OPHN1: variants seen among roughly 807,000 people sequenced by gnomAD.
OPHN1 encodes the protein oligophrenin 1.
In OPHN1, 11 loss-of-function variants were observed where a neutral mutation model predicts 60.7. The observed-to-expected ratio is 0.18, with a 90% CI of 0.11 to 0.30. The LOEUF is 0.30. OPHN1 is among the 10% of genes least tolerant of loss of function. OPHN1 has a pLI of 1.00. For synonymous variants in OPHN1, 226 were observed against 222.6 expected, an observed-to-expected ratio of 1.02 and a Z score of -0.14; for missense variants, 449 against 611.0, an observed-to-expected ratio of 0.73 and a Z score of 2.80.
chrX:68,196,334 C>T (rs1032750090), intron 12 of OPHN1, among the ~76,000 whole-genome samples: 1 of 112,067 alleles, frequency 8.9e-6, no homozygotes, highest in African/African-American at 3.2e-5. Context: ...TTGTGGTTTA[C>T]AAGATGACTT....
chrX:68,321,151 AG>A (rs1424333422), intron 2 of OPHN1, among the ~76,000 whole-genome samples: 1 of 111,473 alleles, frequency 9.0e-6, no homozygotes, highest in Non-Finnish European at 1.9e-5. Context: ...CCCTCCCTGG[AG>A]GTTGGGAGTG....
At chrX:68,334,052 C>A (rs1569283638) in intron 2 of OPHN1, among the ~76,000 whole-genome samples, 1 of 109,100 alleles carries the variant, frequency 9.2e-6, no homozygotes, top group Non-Finnish European at 1.9e-5. Context: ...CATGCGCTAC[C>A]ACACCCATTT....
At chrX:68,078,019 T>C (rs1489663038) in intron 19 of OPHN1, among the ~76,000 whole-genome samples, 1 of 111,916 alleles carries the variant, frequency 8.9e-6, no homozygotes, top group Non-Finnish European at 1.9e-5. Context: ...TCTATGAGTA[T>C]AGTTGTCATG....
chrX:68,098,172 T>C (rs911853591), intron 18 of OPHN1, among the ~76,000 whole-genome samples: 4 of 111,073 alleles, frequency 3.6e-5, no homozygotes, highest in Non-Finnish European at 7.5e-5. Context: ...TTACATCTCC[T>C]TCAGGGAGAC....
At chrX:68,213,158 C>T (rs1043749797) in intron 7 of OPHN1, among the ~76,000 whole-genome samples, 2 of 111,775 alleles carry the variant, frequency 1.8e-5, no homozygotes, top group East Asian at 2.8e-4. Context: ...CACTTGGGCC[C>T]GGGAGTTGGA....
chrX:68,156,509 G>T (rs1368156626), intron 15 of OPHN1, among the ~76,000 whole-genome samples: 1 of 110,821 alleles, frequency 9.0e-6, no homozygotes, highest in Non-Finnish European at 1.9e-5. Context: ...CATGCAGAAA[G>T]AAAGCCCAAA....
At chrX:68,377,710 T>G (rs1023774092) in intron 2 of OPHN1, among the ~76,000 whole-genome samples, 1 of 110,060 alleles carries the variant, frequency 9.1e-6, no homozygotes, top group Non-Finnish European at 1.9e-5. Context: ...GATAGTTTAC[T>G]GAGAATGATG....
intron 20 of OPHN1, chrX:68,070,750 C>A: frequency 8.8e-7 from 1 of 1,130,825 alleles, no homozygotes; most frequent in Non-Finnish European, 1.2e-6. Context: ...CATTCAAATA[C>A]CCCCCACAGG....
intron 15 of OPHN1, among the ~76,000 whole-genome samples, chrX:68,166,522 A>C (rs1429657441): frequency 8.9e-6 from 1 of 112,087 alleles, no homozygotes; most frequent in Non-Finnish European, 1.9e-5. Flanking sequence ...CAACAAAAGC[A>C]AAACTCCATC....
intron 15 of OPHN1, among the ~76,000 whole-genome samples, chrX:68,159,538 A>T (rs2077324710): frequency 8.9e-6 from 1 of 112,204 alleles, no homozygotes; most frequent in African/African-American, 3.2e-5. Context: ...CAAGTTTTTA[A>T]AATTATATAC....
intron 2 of OPHN1, among the ~76,000 whole-genome samples, chrX:68,410,095 A>G (rs1180936515): frequency 1.8e-5 from 2 of 111,993 alleles, no homozygotes; most frequent in Non-Finnish European, 3.8e-5. Context: ...TGGATCCTGA[A>G]GAAAACTTTA....
intron 18 of OPHN1, among the ~76,000 whole-genome samples, chrX:68,105,656 G>A (rs185281097): frequency 1.9e-5 from 2 of 106,652 alleles, no homozygotes; most frequent in East Asian, 6.0e-4. Flanking sequence ...GGGGCCTGTC[G>A]GGGGGTGGGG....
intron 2 of OPHN1, among the ~76,000 whole-genome samples, chrX:68,398,694 A>G (rs2078697826): frequency 9.0e-6 from 1 of 111,727 alleles, no homozygotes; most frequent in Non-Finnish European, 1.9e-5. Context: ...CACGCCTGTA[A>G]TCCCAGCACT....
chrX:68,367,686 T>G (rs901480201), intron 2 of OPHN1, among the ~76,000 whole-genome samples: 1 of 111,649 alleles, frequency 9.0e-6, no homozygotes, highest in Non-Finnish European at 1.9e-5. Flanking sequence ...AAATCTCACC[T>G]TGAATTGTAA....
At chrX:68,381,829 TTCTC>T (rs956196501) in intron 2 of OPHN1, among the ~76,000 whole-genome samples, 3 of 110,001 alleles carry the variant, frequency 2.7e-5, no homozygotes, top group Admixed American at 9.8e-5. Flanking sequence ...CTTTCTTTCT[TTCTC>T]TCTCTCTCTC....
intron 5 of OPHN1, among the ~76,000 whole-genome samples, chrX:68,258,691 A>G (rs1277706284): frequency 1.8e-5 from 2 of 110,157 alleles, no homozygotes; most frequent in African/African-American, 3.3e-5. Context: ...ACATTACCAC[A>G]TCAGCTGTGT....
chrX:68,182,200 T>TTG (rs1274829632), intron 15 of OPHN1, among the ~76,000 whole-genome samples: 7 of 98,819 alleles, frequency 7.1e-5, no homozygotes, highest in Admixed American at 4.4e-4. Context: ...TTTTTTTTTT[T>TTG]TTTTTTTTTT....
intron 2 of OPHN1, among the ~76,000 whole-genome samples, chrX:68,343,065 G>A: frequency 9.0e-6 from 1 of 110,916 alleles, no homozygotes; most frequent in East Asian, 2.9e-4. Flanking sequence ...CTGAAGTCAG[G>A]AGTTCGAGAT....
At chrX:68,432,799 G>A in intron 2 of OPHN1, 68 bp downstream of exon 2, 1 of 1,115,128 alleles carries the variant, frequency 9.0e-7, no homozygotes, top group Non-Finnish European at 1.2e-6. Flanking sequence ...TTCCCCTGGT[G>A]GTGTGGAAAG....
Sources: allele counts gnomAD v4.1 joint callset (sites outside exome capture counted in the v4.1 genomes callset), GRCh38; gene constraint gnomAD v4.1.1; transcripts MANE v1.5; gene names NCBI Gene and HGNC (gene_info 2026-07-23, HGNC 2026-07-21).